The following MARCHF1 variants were observed in gnomAD, a reference collection of about 807,000 sequenced individuals.
MARCHF1 encodes membrane associated ring-CH-type finger 1.
In MARCHF1, 40 loss-of-function variants were observed where a neutral mutation model predicts 54.2. The ratio of observed to expected loss-of-function variants is 0.74; its 90% confidence interval spans 0.57 to 0.96. The LOEUF is 0.96. Ranked by LOEUF, MARCHF1 falls within the 40% of genes least tolerant of loss-of-function variation. MARCHF1 has a pLI of 0.00. For synonymous variants in MARCHF1, 236 were observed against 236.3 expected (o/e 1.00, Z 0.01); for missense variants, 586 against 656.5 (o/e 0.89, Z 1.17).
intron 2 of MARCHF1, among the ~76,000 whole-genome samples, chr4:164,103,322 G>A (rs1755614984): frequency 2.4e-5 from 1 of 42,234 alleles, no homozygotes; most frequent in African/African-American, 7.8e-5. Context: ...ATTTTTTTCA[G>A]CACCACACCA....
rs567382676 is a variant in MARCHF1 at position 164,241,050 on chromosome 4, T to C, written c.-322-129388A>G. 5.9e-5 allele frequency among the ~76,000 whole-genome samples: 9 copies of C among 152,200 alleles called. No homozygotes were observed. In the East Asian group the frequency reaches 1.7e-3, roughly 30 times the overall value. On this transcript the variant is annotated intron_variant, in intron 1 of 9. Transcript: ENST00000514618. ...AAGACCACTATCGTAAAACCTAAGA[T>C]TGGTCTTTCAGAGATTTTTTTTAGA...
At chr4:164,204,167 T>C (rs553794102) in intron 1 of MARCHF1, among the ~76,000 whole-genome samples, 2 of 152,278 alleles carry the variant, frequency 1.3e-5, no homozygotes, top group African/African-American at 2.4e-5. Flanking sequence ...TAAATTGAAG[T>C]ACGTGGCGTG....
At chr4:164,164,349 GA>G (rs1220091271) in intron 1 of MARCHF1, among the ~76,000 whole-genome samples, 1 of 149,850 alleles carries the variant, frequency 6.7e-6, no homozygotes, top group African/African-American at 2.4e-5. Context: ...AGCTTGTTCA[GA>G]AAAAAAAATT....
intron 1 of MARCHF1, among the ~76,000 whole-genome samples, chr4:164,309,187 G>A (rs184360105): frequency 7.4e-5 from 11 of 149,030 alleles, no homozygotes; most frequent in Admixed American, 2.1e-4. Context: ...ATTTGTGTAC[G>A]TGGCCAAAAA....
At chr4:164,093,264 A>G (rs1365472949) in intron 2 of MARCHF1, among the ~76,000 whole-genome samples, 1 of 152,136 alleles carries the variant, frequency 6.6e-6, no homozygotes, top group Non-Finnish European at 1.5e-5. Flanking sequence ...CACAGGAGGA[A>G]TTACCATCCC....
intron 7 of MARCHF1, among the ~76,000 whole-genome samples, chr4:163,589,014 A>C (rs2110837746): frequency 6.7e-6 from 1 of 149,398 alleles, no homozygotes; most frequent in African/African-American, 2.5e-5. Flanking sequence ...AAAAACGAAA[A>C]CCCCACTTGG....
intron 5 of MARCHF1, among the ~76,000 whole-genome samples, chr4:163,666,072 C>CATCA (rs1479733423): frequency 1.3e-5 from 2 of 152,100 alleles, no homozygotes; most frequent in Non-Finnish European, 2.9e-5. Flanking sequence ...ATTGTATATA[C>CATCA]ATCATCACTC....
At chr4:163,918,177 T>G (rs1430389375) in intron 3 of MARCHF1, among the ~76,000 whole-genome samples, 2 of 152,136 alleles carry the variant, frequency 1.3e-5, no homozygotes, top group African/African-American at 4.8e-5. Context: ...TTGTTTTTGT[T>G]AGGCTTGTGA....
chr4:163,692,864 G>A (rs79332749), intron 5 of MARCHF1, among the ~76,000 whole-genome samples: 2,905 of 151,238 alleles, frequency 0.019, 176 homozygotes, highest in African/African-American at 0.064. Flanking sequence ...TGTTGTGTGC[G>A]GTATGTAATA....
intron 3 of MARCHF1, among the ~76,000 whole-genome samples, chr4:163,866,465 G>A (rs867142806): frequency 3.5e-5 from 1 of 28,800 alleles, no homozygotes; most frequent in Admixed American, 6.1e-4. Context: ...TAAAGCTGTA[G>A]TTATATATAT....
chr4:164,073,692 G>T (rs1754916097), intron 2 of MARCHF1, among the ~76,000 whole-genome samples: 1 of 151,858 alleles, frequency 6.6e-6, no homozygotes, highest in African/African-American at 2.4e-5. Context: ...CTGAATACCA[G>T]CTAAAGGTTT....
chr4:163,861,703 A>G (rs1013891351), intron 3 of MARCHF1, among the ~76,000 whole-genome samples: 1 of 152,096 alleles, frequency 6.6e-6, no homozygotes, highest in Non-Finnish European at 1.5e-5. Flanking sequence ...CTAGAAAAGT[A>G]TTTTATAGAT....
Position 164,054,634 on chromosome 4 carries a change from T to C in MARCHF1, c.-248+56954A>G, listed in dbSNP as rs369330485. Reference sequence around the variant, plus strand: ...TGAGTTCATGTCCTTTGTAGGGACATGGATGAAATTGGAAATCATCATTCT... The same window carrying C: ...TGAGTTCATGTCCTTTGTAGGGACACGGATGAAATTGGAAATCATCATTCT... On this transcript the variant is annotated intron_variant, in intron 2 of 9. Transcript: ENST00000514618. Among the ~76,000 whole-genome samples, 1,270 of 151,978 alleles carry C rather than the reference T, an allele frequency of 8.4e-3. 19 individuals carry two copies. The highest frequency in any genetic ancestry group is 0.049 in the East Asian group (253 of 5,164).
At chr4:163,621,473 T>G (rs7686154) in intron 5 of MARCHF1, among the ~76,000 whole-genome samples, 14,988 of 152,168 alleles carry the variant, frequency 0.098, 1,065 homozygotes, top group East Asian at 0.33. Context: ...GGAGATCCTA[T>G]CCTACTTAGA....
At chr4:163,606,447 G>T (rs964409076) in intron 7 of MARCHF1, among the ~76,000 whole-genome samples, 1 of 152,002 alleles carries the variant, frequency 6.6e-6, no homozygotes, top group Admixed American at 6.6e-5. Flanking sequence ...TAACACACAT[G>T]AAAGTAGAGA....
At chr4:164,238,937 T>G (rs1732646087) in intron 1 of MARCHF1, among the ~76,000 whole-genome samples, 1 of 152,040 alleles carries the variant, frequency 6.6e-6, no homozygotes, top group African/African-American at 2.4e-5. Context: ...GAGACCCTGA[T>G]AAGGAAACCT....
At chr4:163,772,865 C>T (rs1201543344) in intron 4 of MARCHF1, among the ~76,000 whole-genome samples, 1 of 152,056 alleles carries the variant, frequency 6.6e-6, no homozygotes. Flanking sequence ...CTGCCTGCTG[C>T]ACATTGCCAC....
chr4:163,746,693 A>AT (rs370220082), intron 4 of MARCHF1, among the ~76,000 whole-genome samples: 289 of 151,868 alleles, frequency 1.9e-3, no homozygotes, highest in Middle Eastern at 0.01. Context: ...CTTTTTCATG[A>AT]TTTTTTTGGA....
At chr4:163,784,668 A>C (rs1286753087) in intron 4 of MARCHF1, among the ~76,000 whole-genome samples, 1 of 152,140 alleles carries the variant, frequency 6.6e-6, no homozygotes, top group Non-Finnish European at 1.5e-5. Context: ...TTGCCTCTAT[A>C]TTTCTGGAAA....
Sources: allele counts gnomAD v4.1 joint callset (sites outside exome capture counted in the v4.1 genomes callset), GRCh38; gene constraint gnomAD v4.1.1; transcripts MANE v1.5; gene names NCBI Gene and HGNC (gene_info 2026-07-23, HGNC 2026-07-21).